INTS7: variants seen among roughly 807,000 people sequenced by gnomAD.
INTS7 encodes chromosome 1 open reading frame 73.
Under a neutral mutation model 109.2 loss-of-function variants are expected in INTS7, and 46 were observed. The ratio of observed to expected loss-of-function variants is 0.42; its 90% CI spans 0.33 to 0.54. The LOEUF (loss-of-function observed/expected upper bound fraction) is 0.54. Ranked by LOEUF, INTS7 falls within the 20% of genes least tolerant of loss-of-function variation. The probability of loss-of-function intolerance (pLI) is 0.07; values close to 1 mark genes in which losing one functional copy is unlikely to be tolerated. For synonymous variants in INTS7, 412 were observed against 402.9 expected, an observed-to-expected ratio of 1.02 and a Z score of -0.27; for missense variants, 929 against 1,132.4, an observed-to-expected ratio of 0.82 and a Z score of 2.58.
chr1:212,023,124 G>A (rs960381017), intron 1 of INTS7, among the ~76,000 whole-genome samples: 1 of 152,096 alleles, frequency 6.6e-6, no homozygotes, highest in Non-Finnish European at 1.5e-5. Flanking sequence ...TGGTATATAT[G>A]TACCATGTTT....
intron 7 of INTS7, among the ~76,000 whole-genome samples, chr1:211,999,160 C>T (rs1348092745): frequency 6.6e-6 from 1 of 152,228 alleles, no homozygotes; most frequent in African/African-American, 2.4e-5. Flanking sequence ...AGATGTCACA[C>T]AAAACCGTGT....
At chr1:212,025,964 T>C (rs1261567109) in intron 1 of INTS7, among the ~76,000 whole-genome samples, 1 of 152,140 alleles carries the variant, frequency 6.6e-6, no homozygotes, top group Non-Finnish European at 1.5e-5. Flanking sequence ...AAGACCAGCC[T>C]GGGCAACATG....
At chr1:212,029,665 A>G (rs982881688) in intron 1 of INTS7, among the ~76,000 whole-genome samples, 1 of 152,270 alleles carries the variant, frequency 6.6e-6, no homozygotes, top group African/African-American at 2.4e-5. Context: ...AACATCCACT[A>G]CAAAGAACAC....
In INTS7 at chr1:211,946,408, G is replaced by A. The variant is rs533184799; in HGVS notation, c.2415+199C>T. ...TGAGGCAGGAGAATCGCTTGAACCCGGAGGTTGCGGTGAGCCAAAATCACA... is the reference window on the plus strand; with the variant it reads ...TGAGGCAGGAGAATCGCTTGAACCCAGAGGTTGCGGTGAGCCAAAATCACA... On this transcript the variant is annotated intron_variant, in intron 18 of 19. Transcript: ENST00000366994. This position sits in a 1 kb window ranked among gnomAD's most constrained non-coding sequence, Gnocchi z 4.3. Among the ~76,000 whole-genome samples, 13 of 152,254 alleles carry A rather than the reference G, an allele frequency of 8.5e-5. No individual in the cohort carries two copies. The East Asian group carries it at 2.1e-3, about 25-fold the overall frequency.
At chr1:212,009,985 G>A (rs1026362811) in intron 5 of INTS7, among the ~76,000 whole-genome samples, 2 of 152,188 alleles carry the variant, frequency 1.3e-5, no homozygotes, top group African/African-American at 4.8e-5. Flanking sequence ...ATTTAAATGC[G>A]TGCAAAATAT....
intron 16 of INTS7, among the ~76,000 whole-genome samples, chr1:211,963,495 G>A (rs1189010836): frequency 1.3e-5 from 2 of 152,080 alleles, no homozygotes; most frequent in Admixed American, 6.6e-5. Flanking sequence ...CATCTACGAG[G>A]CCAGCATCAC....
Position 211,945,912 on chromosome 1 carries a change from G to T in INTS7, c.2415+695C>A, listed in dbSNP as rs148312969. ...GAAAGGCAGAAGTACTTTGGAAGAA[G>T]AACTGGTGACAGTTTACTGGATCTG... On this transcript the variant is annotated intron_variant, in intron 18 of 19. Transcript: ENST00000366994. 3.5e-4 allele frequency among the ~76,000 whole-genome samples: 53 copies of T among 152,334 alleles called. 3 individuals are homozygous for T. The East Asian group carries it at 0.01, about 29-fold the overall frequency.
chr1:211,975,265 T>C lies in INTS7; in HGVS notation c.1716A>G (p.Glu572=), dbSNP rs1293972599. 5 of 1,613,490 alleles carry C rather than the reference T, an allele frequency of 3.1e-6. No homozygotes were observed. The African/African-American group carries it at 5.3e-5, about 17-fold the overall frequency. Residue 572 remains glutamate, a synonymous_variant, in exon 13 of 20, where the codon GAA becomes GAG. Coordinates refer to ENST00000366994, the MANE Select transcript of INTS7 (RefSeq NM_015434.4). ...CCTCTTGCAACCCAGTGAGACACTG[T>C]TCTGCATGTGAAAACTCCTTCAAAC... ...LNSLKEFSHA[E]QCLTGLQEEN...
intron 3 of INTS7, among the ~76,000 whole-genome samples, chr1:212,019,258 AAATT>A (rs998252807): frequency 5.9e-5 from 9 of 152,132 alleles, no homozygotes; most frequent in African/African-American, 1.2e-4. Context: ...CTCAATAAAT[AAATT>A]AATTAATTAA....
intron 10 of INTS7, 43 bp downstream of exon 10, chr1:211,981,050 C>T (rs1241681499): frequency 5.7e-6 from 7 of 1,231,710 alleles, no homozygotes; most frequent in East Asian, 2.4e-5. Flanking sequence ...TGCCTAAGAC[C>T]ATCATATATA....
intron 1 of INTS7, among the ~76,000 whole-genome samples, chr1:212,026,856 A>G (rs1666946046): frequency 6.6e-6 from 1 of 152,252 alleles, no homozygotes; most frequent in Non-Finnish European, 1.5e-5. Context: ...ATGTACAGGT[A>G]GTCTCCTTGA....
chr1:212,021,262 G>A, intron 1 of INTS7, 50 bp from the exon 2 acceptor site: 1 of 1,522,454 alleles, frequency 6.6e-7, no homozygotes, highest in Non-Finnish European at 8.9e-7. Flanking sequence ...GCATATTTGT[G>A]GCTACAAAGC....
At chr1:211,943,115 T>C (rs988812484) in intron 19 of INTS7, among the ~76,000 whole-genome samples, 3 of 152,050 alleles carry the variant, frequency 2.0e-5, no homozygotes, top group African/African-American at 7.2e-5. Context: ...ACAGTTTTTA[T>C]TTCCCTAAAG....
intron 4 of INTS7, among the ~76,000 whole-genome samples, chr1:212,015,039 T>C (rs1045300163): frequency 6.6e-5 from 10 of 151,572 alleles, no homozygotes; most frequent in Non-Finnish European, 1.2e-4. Context: ...CCGCCCCATC[T>C]GGGAGGTGAG....
At chr1:212,014,622 T>C (rs1302670579) in intron 4 of INTS7, among the ~76,000 whole-genome samples, 1 of 137,318 alleles carries the variant, frequency 7.3e-6, no homozygotes, top group Non-Finnish European at 1.6e-5. Flanking sequence ...GCTGCCGCCA[T>C]CTCGGCTCAC....
intron 1 of INTS7, among the ~76,000 whole-genome samples, chr1:212,032,197 C>G (rs540198182): frequency 1.3e-5 from 2 of 149,944 alleles, no homozygotes; most frequent in Non-Finnish European, 2.9e-5. Context: ...TCCAGAATCT[C>G]AGCACTTCAC....
chr1:211,968,638 G>A lies in INTS7; in HGVS notation c.1885C>T (p.Gln629Ter). 1 of 1,613,398 alleles carries A rather than the reference G, an allele frequency of 6.2e-7. No homozygotes were observed. The highest frequency in any genetic ancestry group is 8.5e-7 in the Non-Finnish European group (1 of 1,179,840). ...GTACAGATAAGTTGAGAGAAGGCTT[G>A]TAAAAGGTCAATCCTGAGTTTTACA... is the stretch of plus-strand genomic sequence containing the variant. The part of the protein sequence containing the change: ...EFVKLRIDLL[Q>*]AFSQLICTCN... The change falls in exon 14 of 20, where the codon CAA becomes TAA. Residue 629 changes from glutamine (Q) to a stop codon, truncating the protein, a stop_gained. Transcript: ENST00000366994. LOFTEE classifies it high-confidence loss of function.
intron 4 of INTS7, among the ~76,000 whole-genome samples, chr1:212,012,686 G>T (rs1049513744): frequency 6.6e-6 from 1 of 152,158 alleles, no homozygotes; most frequent in Non-Finnish European, 1.5e-5. Flanking sequence ...TACATAAACT[G>T]CTAATTTAGA....
rs1268368448 is a variant in INTS7 at position 211,974,272 on chromosome 1, AAAAAATATAT to A, written c.1815+884_1815+893del. ...GAAACAACAATCTCTTCCCAGAAAA[AAAAAATATAT>A]ATATATATATATATATATATATATA... On this transcript the variant is annotated intron_variant, in intron 13 of 19. Coordinates refer to ENST00000366994, the MANE Select transcript of INTS7 (RefSeq NM_015434.4). 3.0e-4 allele frequency among the ~76,000 whole-genome samples: 19 copies of A among 62,322 alleles called. No individual in the cohort carries two copies. The East Asian group carries it at 0.013, about 42-fold the overall frequency. 40.9% of individuals were successfully genotyped at this position (62,322 alleles called of 152,430 possible). A position where few individuals can be genotyped will look rare whatever the true frequency, so the allele number is the denominator to read the frequency against.
Sources: allele counts gnomAD v4.1 joint callset (sites outside exome capture counted in the v4.1 genomes callset), GRCh38; gene constraint gnomAD v4.1.1; non-coding constraint Gnocchi (gnomAD v3.1); transcripts MANE v1.5; gene names NCBI Gene and HGNC (gene_info 2026-07-23, HGNC 2026-07-21).